The following KIAA1217 variants were observed in gnomAD, a reference collection of about 807,000 sequenced individuals.
KIAA1217 encodes the protein KIAA1217, also known as sickle tail protein homolog.
Under a neutral mutation model 163.9 loss-of-function variants are expected in KIAA1217, and 88 were observed. The observed-to-expected ratio is 0.54, with a 90% CI of 0.45 to 0.64. The LOEUF (loss-of-function observed/expected upper bound fraction) is 0.64. Ranked by LOEUF, KIAA1217 falls within the 30% of genes least tolerant of loss-of-function variation. The probability of loss-of-function intolerance (pLI) is 0.00; values close to 1 mark genes in which losing one functional copy is unlikely to be tolerated. For missense variants in KIAA1217, 2,372 were observed against 2,475.0 expected, an observed-to-expected ratio of 0.96 and a Z score of 0.88; for synonymous variants, 903 against 923.1, an observed-to-expected ratio of 0.98 and a Z score of 0.39.
chr10:24,361,205 A>T (rs1164198062), intron 2 of KIAA1217, among the ~76,000 whole-genome samples: 1 of 151,854 alleles, frequency 6.6e-6, no homozygotes. Flanking sequence ...TTATTTTTTG[A>T]GACAGGGTCT....
chr10:24,091,089 C>T lies in KIAA1217; in HGVS notation c.-171+83715C>T, dbSNP rs961765127. Reference sequence around the variant, plus strand: ...CACAGTAAGTACTTCTGTATAGAACCATTCCACAAAACATTTATTGGTTCC... The same window carrying T: ...CACAGTAAGTACTTCTGTATAGAACTATTCCACAAAACATTTATTGGTTCC... On this transcript the variant is annotated intron_variant, in intron 2 of 18. Transcript: ENST00000376462. 3.3e-4 allele frequency among the ~76,000 whole-genome samples: 50 copies of T among 151,982 alleles called. 2 individuals are homozygous for T. The highest frequency in any genetic ancestry group is 1.1e-3 in the African/African-American group (45 of 41,258).
intron 6 of KIAA1217, among the ~76,000 whole-genome samples, chr10:24,486,619 G>A (rs2065432342): frequency 1.3e-5 from 2 of 152,168 alleles, no homozygotes. Flanking sequence ...GAGTGTATAT[G>A]TGTGAGTGCA....
At chr10:23,961,076 C>T (rs1844798619) in intron 1 of KIAA1217, among the ~76,000 whole-genome samples, 1 of 152,136 alleles carries the variant, frequency 6.6e-6, no homozygotes, top group Non-Finnish European at 1.5e-5. Flanking sequence ...CCATAAAACA[C>T]TTTAAAGGTA....
chr10:23,941,088 A>G (rs1269143173), intron 1 of KIAA1217, among the ~76,000 whole-genome samples: 1 of 152,216 alleles, frequency 6.6e-6, no homozygotes. Flanking sequence ...AGCATAGGAC[A>G]TTACATTACT....
At chr10:24,047,587 C>T (rs1849129420) in intron 2 of KIAA1217, among the ~76,000 whole-genome samples, 1 of 152,196 alleles carries the variant, frequency 6.6e-6, no homozygotes, top group Non-Finnish European at 1.5e-5. Flanking sequence ...GTTGCAAATA[C>T]TATGCATGTA....
At chr10:24,495,085 T>TAA (rs71506836) in intron 7 of KIAA1217, 62 bp from the exon 8 acceptor site, 87,582 of 1,219,460 alleles carry the variant, frequency 0.072, 973 homozygotes, top group East Asian at 0.094. Context: ...GAATGGGCTT[T>TAA]AAAAAAAAAA....
At chr10:23,798,640 G>A (rs1334669891) in intron 1 of KIAA1217, among the ~76,000 whole-genome samples, 1 of 152,156 alleles carries the variant, frequency 6.6e-6, no homozygotes, top group Non-Finnish European at 1.5e-5. Context: ...AGTTTGTTGT[G>A]TGTCTCCTAA....
At chr10:23,819,364 TGAATTCAGGGGAGATAGCTG>T (rs1837512020) in intron 1 of KIAA1217, among the ~76,000 whole-genome samples, 2 of 152,248 alleles carry the variant, frequency 1.3e-5, no homozygotes, top group African/African-American at 4.8e-5. Flanking sequence ...CTTCTCCTTC[TGAATTCAGGGGAGATAGCTG>T]GAATTCAGGA....
intron 1 of KIAA1217, among the ~76,000 whole-genome samples, chr10:23,851,335 A>G (rs1839308230): frequency 6.6e-6 from 1 of 151,952 alleles, no homozygotes; most frequent in African/African-American, 2.4e-5. Flanking sequence ...CCTACAAAGG[A>G]CATGAACTCA....
intron 2 of KIAA1217, among the ~76,000 whole-genome samples, chr10:24,151,185 C>T (rs989663095): frequency 1.3e-5 from 2 of 152,034 alleles, no homozygotes; most frequent in Non-Finnish European, 2.9e-5. Flanking sequence ...TGTTCATTTA[C>T]TTTTTGGTTG....
At chr10:23,756,551 T>C (rs1302978120) in intron 1 of KIAA1217, among the ~76,000 whole-genome samples, 1 of 152,234 alleles carries the variant, frequency 6.6e-6, no homozygotes, top group Non-Finnish European at 1.5e-5. Flanking sequence ...TTTGAAATGA[T>C]GCTCTTTATT....
chr10:23,786,963 A>G (rs1835521621), intron 1 of KIAA1217, among the ~76,000 whole-genome samples: 1 of 152,228 alleles, frequency 6.6e-6, no homozygotes, highest in Admixed American at 6.5e-5. Context: ...GAGAAATGGA[A>G]ATCATGTTTT....
intron 3 of KIAA1217, among the ~76,000 whole-genome samples, chr10:24,399,079 T>C (rs1418941696): frequency 1.3e-5 from 2 of 152,184 alleles, no homozygotes; most frequent in Non-Finnish European, 2.9e-5. Context: ...ATAATAGAAG[T>C]GGACCCACAC....
intron 2 of KIAA1217, among the ~76,000 whole-genome samples, chr10:24,345,921 TC>T (rs2047691905): frequency 6.6e-6 from 1 of 152,164 alleles, no homozygotes; most frequent in African/African-American, 2.4e-5. Flanking sequence ...AACTTTTTCA[TC>T]TTGTAAAACT....
Position 24,360,899 on chromosome 10 carries a change from T to C in KIAA1217, c.355-19970T>C, listed in dbSNP as rs200408446. Among the ~76,000 whole-genome samples the C allele has an allele frequency of 7.7e-5, 3 of 39,192 alleles. No homozygotes were observed. The East Asian group carries it at 4.3e-3, about 57-fold the overall frequency. 25.7% of individuals were successfully genotyped at this position (39,192 alleles called of 152,430 possible). On this transcript the variant is annotated intron_variant, in intron 2 of 20. Transcript: ENST00000376454. ...CAGTAGTTATTTCAATGCTAAGTGG[T>C]TTTTTTTTTTTGGAGGTAGAAACAA...
At position 24,543,550 on chromosome 10, in the gene KIAA1217, A is replaced by G; in HGVS notation, c.4280A>G (p.Glu1427Gly). Residue 1427 changes from glutamate to glycine, a missense_variant, in exon 19 of 21, where the codon GAA becomes GGA. Physicochemically the swap from Glu to Gly is moderately conservative, Grantham distance 98. Coordinates refer to ENST00000376454, the MANE Select transcript of KIAA1217 (RefSeq NM_019590.5). ...AGAAAAGAGATGACCCCCCGACAAG[A>G]AGGGACTGACAATGAGGATCCAGTC... ...DARKEMTPRQEGTDNEDPVVC... is the reference protein window; with the variant it reads ...DARKEMTPRQGGTDNEDPVVC... The G allele has an allele frequency of 6.2e-7, 1 of 1,614,134 alleles. No homozygotes were observed. The highest frequency in any genetic ancestry group is 1.1e-5 in the South Asian group (1 of 91,074).
chr10:24,293,975 C>T (rs145931836), intron 2 of KIAA1217, among the ~76,000 whole-genome samples: 2,516 of 152,098 alleles, frequency 0.017, 64 homozygotes, highest in African/African-American at 0.057. Context: ...GGGCGGATCA[C>T]GAGGTCAGGA....
intron 1 of KIAA1217, among the ~76,000 whole-genome samples, chr10:23,782,849 C>T (rs1268326637): frequency 1.3e-5 from 2 of 152,134 alleles, no homozygotes; most frequent in Non-Finnish European, 2.9e-5. Context: ...TCTGATTGCT[C>T]TTGCCAGTAC....
At chr10:24,240,389 T>C (rs1314201999) in intron 2 of KIAA1217, among the ~76,000 whole-genome samples, 1 of 152,204 alleles carries the variant, frequency 6.6e-6, no homozygotes, top group Admixed American at 6.5e-5. Context: ...AATAAGTGGA[T>C]AGGCTTTCAA....
Sources: allele counts gnomAD v4.1 joint callset (sites outside exome capture counted in the v4.1 genomes callset), GRCh38; gene constraint gnomAD v4.1.1; transcripts MANE v1.5; gene names NCBI Gene and HGNC (gene_info 2026-07-23, HGNC 2026-07-21).